The following WDR35 variants were observed in gnomAD, a reference collection of about 807,000 sequenced individuals.
WDR35 encodes the protein WD repeat domain 35.
In WDR35, 118 loss-of-function variants were observed where a neutral mutation model predicts 158.3. That is an observed-to-expected ratio of 0.75 (90% CI 0.64 to 0.87). The LOEUF (loss-of-function observed/expected upper bound fraction) is 0.87. Ranked by LOEUF, WDR35 falls within the 40% of genes least tolerant of loss-of-function variation. The pLI, the probability that WDR35 is intolerant of heterozygous loss-of-function variation, is 0.00. For synonymous variants in WDR35, 448 were observed against 476.1 expected, an observed-to-expected ratio of 0.94 and a Z score of 0.77; for missense variants, 1,263 against 1,405.8, an observed-to-expected ratio of 0.90 and a Z score of 1.62.
At chr2:19,922,687 G>C (rs1458618990) in intron 25 of WDR35, among the ~76,000 whole-genome samples, 1 of 152,036 alleles carries the variant, frequency 6.6e-6, no homozygotes, top group Non-Finnish European at 1.5e-5. Flanking sequence ...TGCACATTCT[G>C]CACATGTACC....
At chr2:19,985,936 G>GTA (rs568974692) in intron 2 of WDR35, among the ~76,000 whole-genome samples, 316 of 146,312 alleles carry the variant, frequency 2.2e-3, no homozygotes, top group African/African-American at 7.2e-3. Context: ...GCCTGACACT[G>GTA]GCTAGAGTGT....
chr2:19,975,806 TG>T, intron 5 of WDR35, 143 bp from the exon 6 acceptor site: 1 of 1,086,082 alleles, frequency 9.2e-7, no homozygotes, highest in South Asian at 1.4e-5. Flanking sequence ...AAATATTTAC[TG>T]AGCACCTATA....
intron 12 of WDR35, among the ~76,000 whole-genome samples, chr2:19,952,750 T>C (rs1345640039): frequency 6.6e-6 from 1 of 151,324 alleles, no homozygotes; most frequent in Non-Finnish European, 1.5e-5. Flanking sequence ...CTTTTTTTCC[T>C]GCCTCCACAT....
chr2:19,965,151 G>A (rs756473058), intron 10 of WDR35, among the ~76,000 whole-genome samples: 2 of 152,144 alleles, frequency 1.3e-5, no homozygotes, highest in African/African-American at 2.4e-5. Flanking sequence ...TCGAACTCCC[G>A]ACCTCAGGTA....
In WDR35 at chr2:19,945,886, C is replaced by T. The variant is rs770709380; in HGVS notation, c.1745G>A (p.Arg582Gln). 3.1e-6 allele frequency: 5 copies of T among 1,614,022 alleles called. No homozygotes were observed. In the South Asian group the frequency reaches 4.4e-5, roughly 14 times the overall value. ...QVVGELLKLE[R>Q]RDVWDMKWAK... Reference sequence around the variant, plus strand: ...CCACTTCATATCCCAGACATCTCTTCGTTCCAATTTTAACAACTCTCCAAC... The same window carrying T: ...CCACTTCATATCCCAGACATCTCTTTGTTCCAATTTTAACAACTCTCCAAC... Residue 582 changes from arginine (R) to glutamine (Q), a missense_variant, in exon 16 of 27, where the codon CGA becomes CAA. Physicochemically the swap from Arg to Gln is conservative, Grantham distance 43 (BLOSUM62 1). Transcript: ENST00000281405.
At chr2:19,944,861 T>C (rs1670996952) in intron 16 of WDR35, among the ~76,000 whole-genome samples, 1 of 152,100 alleles carries the variant, frequency 6.6e-6, no homozygotes, top group African/African-American at 2.4e-5. Flanking sequence ...CAGAAACCCT[T>C]TGGCAGCTCA....
chr2:19,923,447 A>G (rs1670247467), intron 25 of WDR35, among the ~76,000 whole-genome samples: 1 of 152,168 alleles, frequency 6.6e-6, no homozygotes, highest in South Asian at 2.1e-4. Flanking sequence ...TCCACCTTGG[A>G]ACTTTTTCAC....
chr2:19,935,699 G>A, intron 20 of WDR35, 96 bp from the exon 21 acceptor site: 2 of 1,393,834 alleles, frequency 1.4e-6, no homozygotes, highest in East Asian at 4.7e-5. Flanking sequence ...ATAATTCCCA[G>A]TACTAGTATT....
chr2:19,936,507 C>CTAGTCAGGCTAAGTT, intron 19 of WDR35, 142 bp from the exon 20 acceptor site: 6 of 1,221,320 alleles, frequency 4.9e-6, no homozygotes, highest in Non-Finnish European at 7.0e-6. Context: ...AGGAACTTAG[C>CTAGTCAGGCTAAGTT]CTGACTAGCT....
At chr2:19,936,095 G>T in intron 20 of WDR35, 124 bp downstream of exon 20, 1 of 1,440,480 alleles carries the variant, frequency 6.9e-7, no homozygotes, top group Non-Finnish European at 9.5e-7. Flanking sequence ...TGAATCTAGA[G>T]CTATCTGAAT....
At chr2:19,951,358 TATA>T (rs1353965724) in intron 13 of WDR35, 54 bp downstream of exon 13, 15 of 1,369,686 alleles carry the variant, frequency 1.1e-5, no homozygotes, top group Non-Finnish European at 1.5e-5. Flanking sequence ...AAAATAAAAT[TATA>T]ATATTTCAAA....
At chr2:19,975,475 T>C (rs1281810008) in intron 6 of WDR35, 55 bp downstream of exon 6, 5 of 1,548,720 alleles carry the variant, frequency 3.2e-6, no homozygotes, top group East Asian at 2.3e-5. Context: ...ATGAATGATA[T>C]GTACGATAAT....
intron 8 of WDR35, among the ~76,000 whole-genome samples, chr2:19,972,951 T>C (rs1005045887): frequency 6.6e-6 from 1 of 152,088 alleles, no homozygotes. Context: ...TACTTGACAT[T>C]TTCCAATGCT....
At chr2:19,929,385 C>T (rs888578036) in intron 25 of WDR35, among the ~76,000 whole-genome samples, 14 of 152,122 alleles carry the variant, frequency 9.2e-5, no homozygotes, top group African/African-American at 3.1e-4. Context: ...GTGTGATGTG[C>T]ATATGGTGAT....
chr2:19,930,408 C>T lies in WDR35; in HGVS notation c.3109G>A (p.Ala1037Thr), dbSNP rs1284570327. ...RQLYEGCVDT[A>T]LKTALHLKDY... The stretch of plus-strand genomic sequence containing the variant: ...GTGACATGCCCACCTGTCTTCAGTG[C>T]AGTGTCCACACATCCCTCATAGAGC... Residue 1037 changes from alanine (A) to threonine (T), a missense_variant, in exon 25 of 27, where the codon GCA becomes ACA. Coordinates refer to ENST00000281405, the MANE Select transcript of WDR35 (RefSeq NM_020779.4). 6.2e-7 allele frequency: 1 copy of T among 1,614,154 alleles called. No homozygotes were observed. Among genetic ancestry groups the T allele is most frequent in the Admixed American group, 1.7e-5 (1 of 60,020 alleles).
intron 2 of WDR35, among the ~76,000 whole-genome samples, chr2:19,987,845 A>T (rs926360679): frequency 2.6e-5 from 4 of 151,346 alleles, no homozygotes; most frequent in African/African-American, 7.3e-5. Flanking sequence ...AAAAAAAAAA[A>T]ACTTGCCAAA....
Position 19,966,896 on chromosome 2 carries a change from G to T in WDR35, c.1022C>A (p.Ser341Ter). The change falls in exon 10 of 27, where the codon TCA becomes TAA. Residue 341 changes from serine to a stop codon, truncating the protein, a stop_gained. Coordinates refer to ENST00000281405, the MANE Select transcript of WDR35 (RefSeq NM_020779.4). LOFTEE classifies it high-confidence loss of function. ...GGTATATGCATAAACTACAGTGTTT[G>T]AGCAATAACCCCACTAGGAAGAAAG... ...IRPNYKWGYC[S>*]NTVVYAYTRP... is the part of the protein sequence containing the mutation. 6.2e-7 allele frequency: 1 copy of T among 1,613,736 alleles called. No homozygotes were observed. The highest frequency in any genetic ancestry group is 1.1e-5 in the South Asian group (1 of 91,016).
chr2:19,955,791 A>G (rs990983285), intron 11 of WDR35, among the ~76,000 whole-genome samples: 1 of 152,228 alleles, frequency 6.6e-6, no homozygotes, highest in Non-Finnish European at 1.5e-5. Flanking sequence ...GAGACTTAGA[A>G]ACTGAACAAA....
intron 19 of WDR35, 23 bp downstream of exon 19, chr2:19,937,720 A>T (rs1462171071): frequency 3.1e-6 from 5 of 1,613,918 alleles, no homozygotes; most frequent in Non-Finnish European, 4.2e-6. Flanking sequence ...GTACTCAGGG[A>T]TGCCTGCGCC....
Sources: gnomAD v4.1 joint callset for allele counts (sites outside exome capture counted in the v4.1 genomes callset) on GRCh38, gnomAD v4.1.1 for gene constraint, MANE v1.5 for transcripts, NCBI Gene and HGNC (gene_info 2026-07-23, HGNC 2026-07-21) for gene names.